Variants in GRB10 observed in about 807,000 individuals in gnomAD.
The protein encoded by GRB10 is growth factor receptor bound protein 10, also known as growth factor receptor-bound protein 10.
A neutral mutation model predicts 80.9 loss-of-function variants in GRB10; 20 were observed. The observed-to-expected ratio is 0.25, with a 90% CI of 0.17 to 0.36. The LOEUF is 0.36. Ranked by LOEUF, GRB10 falls within the 10% of genes least tolerant of loss-of-function variation. The pLI is 1.00. For missense variants in GRB10, 548 were observed against 747.7 expected (o/e 0.73, Z 3.12); for synonymous variants, 291 against 291.5 (o/e 1.00, Z 0.02).
upstream of GRB10, among the ~76,000 whole-genome samples, chr7:50,783,872 G>A (rs144115446): frequency 0.02 from 3,120 of 152,266 alleles, 100 homozygotes; most frequent in African/African-American, 0.069. Flanking sequence ...CCAACTGCTC[G>A]GAGGCCAGGT....
intron 2 of GRB10, among the ~76,000 whole-genome samples, chr7:50,771,590 G>GTTT (rs1009560828): frequency 2.0e-5 from 3 of 152,196 alleles, no homozygotes; most frequent in Admixed American, 2.0e-4. Flanking sequence ...CTCTCCCTGT[G>GTTT]TTAAAACAGG....
At chr7:50,759,019 A>T (rs969099826) in intron 2 of GRB10, among the ~76,000 whole-genome samples, 4 of 151,806 alleles carry the variant, frequency 2.6e-5, no homozygotes, top group Non-Finnish European at 5.9e-5. Context: ...CCCTGTTTCT[A>T]CAAATAAAAA....
At position 50,621,041 on chromosome 7, in the gene GRB10, T is replaced by C. The variant is rs187861447; in HGVS notation, c.662-1756A>G. Reference sequence around the variant, plus strand: ...GATAGCTACCTAAATGAGGAGGATATGTCTGTTTCCAAAGCGAAGGGCATT... The same window carrying C: ...GATAGCTACCTAAATGAGGAGGATACGTCTGTTTCCAAAGCGAAGGGCATT... On this transcript the variant is annotated intron_variant, in intron 8 of 18. Transcript: ENST00000401949. Among the ~76,000 whole-genome samples, 106 of 152,222 alleles carry C rather than the reference T, an allele frequency of 7.0e-4. 2 individuals are homozygous for C. Among genetic ancestry groups the C allele is most frequent in the Middle Eastern group, 6.8e-3 (2 of 294 alleles).
intron 7 of GRB10, among the ~76,000 whole-genome samples, chr7:50,661,595 T>C (rs1289805378): frequency 6.6e-6 from 1 of 152,218 alleles, no homozygotes; most frequent in African/African-American, 2.4e-5. Context: ...AGGGTGCCCC[T>C]GGGGACACCC....
intron 5 of GRB10, among the ~76,000 whole-genome samples, chr7:50,685,302 A>C (rs1234476892): frequency 6.6e-6 from 1 of 152,244 alleles, no homozygotes; most frequent in Non-Finnish European, 1.5e-5. Context: ...AAGGATTTAC[A>C]AGGCTAAATA....
At position 50,617,955 on chromosome 7, in the gene GRB10, G is replaced by A. The variant is rs1282277610; in HGVS notation, c.846+116C>T. The A allele has an allele frequency of 1.3e-5, 12 of 916,736 alleles. No homozygotes were observed. In the Admixed American group the frequency reaches 2.2e-4, roughly 16 times the overall value. The allele number at this position is 916,736 out of a possible 1,614,324, so 56.8% of individuals were successfully genotyped here. The stretch of plus-strand genomic sequence containing the variant: ...CCACCCCTCCGGCTTAAGAGCCAAG[G>A]TTATAAATGGTGAAAGATGCGATCT... On this transcript the variant is annotated intron_variant, in intron 10 of 18. Transcript: ENST00000401949.
intron 5 of GRB10, among the ~76,000 whole-genome samples, chr7:50,703,074 T>C (rs2064479926): frequency 6.6e-6 from 1 of 152,248 alleles, no homozygotes; most frequent in African/African-American, 2.4e-5. Flanking sequence ...CAGAAAACCT[T>C]GACAGCTTTT....
At chr7:50,644,232 G>A (rs1415225610) in intron 7 of GRB10, among the ~76,000 whole-genome samples, 9 of 152,144 alleles carry the variant, frequency 5.9e-5, no homozygotes, top group Non-Finnish European at 1.3e-4. Context: ...GTGTCCAGGT[G>A]GGGTTCCTTG....
intron 18 of GRB10, among the ~76,000 whole-genome samples, chr7:50,595,159 C>A (rs533335688): frequency 2.2e-4 from 34 of 152,170 alleles, no homozygotes; most frequent in Non-Finnish European, 4.4e-4. Flanking sequence ...TTCCTGCGAC[C>A]TTGATCCTCC....
Position 50,703,750 on chromosome 7 carries a change from T to C in GRB10, c.139+71A>G, listed in dbSNP as rs550621759. On this transcript the variant is annotated intron_variant, in intron 5 of 18. Coordinates refer to ENST00000401949, the MANE Select transcript of GRB10 (RefSeq NM_001350814.2). ...TCTATTAGTGTCAAGAGCAACATTTTAGAATATCAGATCTGGGCACTGCTG... is the reference window on the plus strand; with the variant it reads ...TCTATTAGTGTCAAGAGCAACATTTCAGAATATCAGATCTGGGCACTGCTG... 46 of 1,082,004 alleles carry C rather than the reference T, an allele frequency of 4.3e-5. No homozygotes were observed. The African/African-American group carries it at 6.2e-4, about 15-fold the overall frequency. 67.0% of individuals were successfully genotyped at this position (1,082,004 alleles called of 1,614,324 possible).
At chr7:50,777,468 A>T (rs963716765) in intron 2 of GRB10, among the ~76,000 whole-genome samples, 1 of 149,692 alleles carries the variant, frequency 6.7e-6, no homozygotes, top group African/African-American at 2.5e-5. Context: ...ACCATTGCAC[A>T]TATCTGTAAA....
intron 7 of GRB10, among the ~76,000 whole-genome samples, chr7:50,635,941 CTTT>C (rs55836738): frequency 3.1e-4 from 29 of 94,878 alleles, no homozygotes; most frequent in Middle Eastern, 0.012. Flanking sequence ...GGATCCACAG[CTTT>C]TTTTTTTTTT....
chr7:50,755,884 T>C lies in GRB10; in HGVS notation c.-47+3A>G. Reference sequence around the variant, plus strand: ...AGTGACTAGTGTCATGCATAGGGCTTACCTGTCAGGAGTTGGCTCTGTAGC... The same window carrying C: ...AGTGACTAGTGTCATGCATAGGGCTCACCTGTCAGGAGTTGGCTCTGTAGC... On this transcript the variant is annotated splice_donor_region_variant and intron_variant, in intron 3 of 18. Transcript: ENST00000401949. The C allele has an allele frequency of 2.5e-6, 1 of 398,750 alleles. No individual in the cohort carries two copies. The highest frequency in any genetic ancestry group is 4.4e-6 in the Non-Finnish European group (1 of 226,176). The allele number at this position is 398,750 out of a possible 1,614,324, so 24.7% of individuals were successfully genotyped here. A position where few individuals can be genotyped will look rare whatever the true frequency, so the allele number is the denominator to read the frequency against.
chr7:50,745,493 G>T (rs2072732871), intron 3 of GRB10, among the ~76,000 whole-genome samples: 1 of 152,158 alleles, frequency 6.6e-6, no homozygotes, highest in Non-Finnish European at 1.5e-5. Flanking sequence ...CAATTGCCAT[G>T]ACAACACATT....
At chr7:50,610,804 A>G (rs1374624263) in intron 13 of GRB10, among the ~76,000 whole-genome samples, 1 of 152,202 alleles carries the variant, frequency 6.6e-6, no homozygotes, top group Non-Finnish European at 1.5e-5. Flanking sequence ...GACAACAATA[A>G]AGTCAGTTCG....
At chr7:50,703,311 G>C (rs188315225) in intron 5 of GRB10, among the ~76,000 whole-genome samples, 1 of 152,082 alleles carries the variant, frequency 6.6e-6, no homozygotes, top group Non-Finnish European at 1.5e-5. Context: ...CTCATCCTAC[G>C]GCAAAGCTTC....
chr7:50,762,339 A>G (rs2075857045), intron 2 of GRB10, among the ~76,000 whole-genome samples: 1 of 151,252 alleles, frequency 6.6e-6, no homozygotes, highest in Admixed American at 6.6e-5. Context: ...AAAATAAAAA[A>G]TTTTTGAGGA....
At chr7:50,774,461 T>C (rs1327818794) in intron 2 of GRB10, among the ~76,000 whole-genome samples, 2 of 152,234 alleles carry the variant, frequency 1.3e-5, no homozygotes, top group Non-Finnish European at 2.9e-5. Context: ...GCACTTGGTG[T>C]CTGGTGAGGG....
intron 5 of GRB10, among the ~76,000 whole-genome samples, chr7:50,675,691 C>T (rs983955855): frequency 6.6e-6 from 1 of 152,164 alleles, no homozygotes; most frequent in Non-Finnish European, 1.5e-5. Flanking sequence ...ACTTGCTAGC[C>T]TCCACAGTGT....
Sources: gnomAD v4.1 joint callset for allele counts (sites outside exome capture counted in the v4.1 genomes callset) on GRCh38, gnomAD v4.1.1 for gene constraint, MANE v1.5 for transcripts, NCBI Gene and HGNC (gene_info 2026-07-23, HGNC 2026-07-21) for gene names.